The following GPC5 variants were observed in gnomAD, a reference collection of about 807,000 sequenced individuals.
The protein encoded by GPC5 is glypican-5.
Under a neutral mutation model 53.9 loss-of-function variants are expected in GPC5, and 47 were observed. That is an observed-to-expected ratio of 0.87 (90% CI 0.69 to 1.11). The LOEUF is 1.11. GPC5 is among the 50% of genes most tolerant of loss of function. GPC5 has a pLI of 0.00. For missense variants in GPC5, 748 were observed against 713.1 expected (o/e 1.05, Z -0.56); for synonymous variants, 286 against 263.3 (o/e 1.09, Z -0.84).
chr13:92,771,803 G>A (rs76863436), intron 7 of GPC5, among the ~76,000 whole-genome samples: 2,400 of 152,114 alleles, frequency 0.016, 32 homozygotes, highest in Non-Finnish European at 0.021. Flanking sequence ...CTTACAATCC[G>A]TAAATTTATA....
intron 7 of GPC5, among the ~76,000 whole-genome samples, chr13:92,252,669 T>C (rs2042700627): frequency 6.6e-6 from 1 of 152,092 alleles, no homozygotes; most frequent in Non-Finnish European, 1.5e-5. Context: ...TTTTAACTGC[T>C]GAAAGTTACC....
At chr13:92,503,321 G>T (rs1223254716) in intron 7 of GPC5, among the ~76,000 whole-genome samples, 3 of 151,564 alleles carry the variant, frequency 2.0e-5, no homozygotes, top group East Asian at 1.9e-4. Flanking sequence ...AACATCAAAA[G>T]GAAAATTAGA....
At chr13:91,724,194 T>A (rs371452347) in intron 3 of GPC5, among the ~76,000 whole-genome samples, 2 of 152,238 alleles carry the variant, frequency 1.3e-5, no homozygotes, top group African/African-American at 4.8e-5. Context: ...TTATTTAATA[T>A]AATGGAGCAC....
intron 7 of GPC5, among the ~76,000 whole-genome samples, chr13:92,208,364 A>G (rs940247869): frequency 6.6e-6 from 1 of 152,202 alleles, no homozygotes; most frequent in Non-Finnish European, 1.5e-5. Context: ...GCTGTTGGCC[A>G]CTACTCATTA....
chr13:92,724,365 A>G (rs1888580603), intron 7 of GPC5, among the ~76,000 whole-genome samples: 1 of 151,700 alleles, frequency 6.6e-6, no homozygotes, highest in Non-Finnish European at 1.5e-5. Flanking sequence ...CTTCTTTATC[A>G]TGTTAGAACA....
intron 6 of GPC5, among the ~76,000 whole-genome samples, chr13:91,909,026 T>C (rs2039583324): frequency 6.6e-6 from 1 of 152,160 alleles, no homozygotes; most frequent in African/African-American, 2.4e-5. Flanking sequence ...CAAGAGTCCC[T>C]ATATCTCAAG....
intron 5 of GPC5, among the ~76,000 whole-genome samples, chr13:91,773,306 A>G (rs527253468): frequency 6.6e-6 from 1 of 152,190 alleles, no homozygotes; most frequent in Non-Finnish European, 1.5e-5. Flanking sequence ...CTGCTCTTTC[A>G]TACAAATATA....
At chr13:92,791,485 T>A in intron 7 of GPC5, among the ~76,000 whole-genome samples, 1 of 151,824 alleles carries the variant, frequency 6.6e-6, no homozygotes. Context: ...ATAGTAGTCA[T>A]CCAGCCTAGT....
intron 6 of GPC5, among the ~76,000 whole-genome samples, chr13:91,931,679 G>A (rs1156927636): frequency 2.6e-5 from 4 of 151,950 alleles, no homozygotes; most frequent in Admixed American, 2.6e-4. Context: ...CTTAACCTAT[G>A]ACACGCATTG....
At chr13:91,399,509 G>A (rs770240106) in intron 1 of GPC5, among the ~76,000 whole-genome samples, 1 of 152,222 alleles carries the variant, frequency 6.6e-6, no homozygotes, top group South Asian at 2.1e-4. Flanking sequence ...ACATCAGGGC[G>A]TGGGGGACAC....
intron 5 of GPC5, among the ~76,000 whole-genome samples, chr13:91,763,630 G>GA (rs2037461833): frequency 6.6e-6 from 1 of 152,204 alleles, no homozygotes; most frequent in African/African-American, 2.4e-5. Flanking sequence ...AGGTATGGCT[G>GA]ATGGTTTGAA....
At chr13:91,946,869 A>G (rs538121339) in intron 6 of GPC5, among the ~76,000 whole-genome samples, 41 of 152,114 alleles carry the variant, frequency 2.7e-4, no homozygotes, top group Non-Finnish European at 5.3e-4. Context: ...AATTAACTCG[A>G]CTTGTTCATT....
intron 7 of GPC5, among the ~76,000 whole-genome samples, chr13:92,314,996 C>A (rs9523623): frequency 1.3e-5 from 2 of 151,956 alleles, no homozygotes; most frequent in African/African-American, 4.8e-5. Context: ...AGGCTGGTCT[C>A]GAACTCTTAG....
chr13:92,054,066 A>AATAAATAT (rs2041053798), intron 6 of GPC5, among the ~76,000 whole-genome samples: 3 of 150,658 alleles, frequency 2.0e-5, no homozygotes, highest in Admixed American at 2.0e-4. Flanking sequence ...TAAATAAATA[A>AATAAATAT]ATAAATAAGA....
In GPC5 at chr13:91,822,466, G is replaced by A. The variant is rs561196808; in HGVS notation, c.1280+66046G>A. 9.8e-5 allele frequency among the ~76,000 whole-genome samples: 15 copies of A among 152,316 alleles called. No individual in the cohort carries two copies. The South Asian group carries it at 2.5e-3, about 25-fold the overall frequency. Reference sequence around the variant, plus strand: ...TGAACATACTTTGTGAACATCGTCAGTAAGCAAGTTAAATAAATATTTAGA... The same window carrying A: ...TGAACATACTTTGTGAACATCGTCAATAAGCAAGTTAAATAAATATTTAGA... On this transcript the variant is annotated intron_variant, in intron 5 of 7. Coordinates refer to ENST00000377067, the MANE Select transcript of GPC5 (RefSeq NM_004466.6).
Position 91,772,932 on chromosome 13 carries a change from C to T in GPC5, c.1280+16512C>T, listed in dbSNP as rs555775750. ...ATTACTTTTTTGGGTAATTTTTTTTCTAAGATTTTAGACTATTAAAAAAAT... is the reference window on the plus strand; with the variant it reads ...ATTACTTTTTTGGGTAATTTTTTTTTTAAGATTTTAGACTATTAAAAAAAT... On this transcript the variant is annotated intron_variant, in intron 5 of 7. Transcript: ENST00000377067. 2.8e-3 allele frequency among the ~76,000 whole-genome samples: 427 copies of T among 151,986 alleles called. 2 individuals carry two copies. The highest frequency in any genetic ancestry group is 0.01 in the African/African-American group (415 of 41,450).
intron 7 of GPC5, among the ~76,000 whole-genome samples, chr13:92,354,000 C>G (rs2043501778): frequency 6.6e-6 from 1 of 152,102 alleles, no homozygotes; most frequent in Admixed American, 6.5e-5. Flanking sequence ...TGTTATATGC[C>G]TAATGTTCAC....
chr13:92,370,978 G>A (rs777516253), intron 7 of GPC5, among the ~76,000 whole-genome samples: 17 of 152,052 alleles, frequency 1.1e-4, no homozygotes, highest in South Asian at 2.1e-4. Flanking sequence ...GTGAAACTCC[G>A]TCTCTACTAA....
intron 2 of GPC5, among the ~76,000 whole-genome samples, chr13:91,549,714 A>G (rs1302476259): frequency 6.6e-6 from 1 of 152,174 alleles, no homozygotes; most frequent in Non-Finnish European, 1.5e-5. Flanking sequence ...GTGAGATACT[A>G]CTACAGACAT....
Sources: allele counts gnomAD v4.1 joint callset (sites outside exome capture counted in the v4.1 genomes callset), GRCh38; gene constraint gnomAD v4.1.1; transcripts MANE v1.5; gene names NCBI Gene and HGNC (gene_info 2026-07-23, HGNC 2026-07-21).